SLC44A1: variants seen among roughly 807,000 people sequenced by gnomAD.
SLC44A1 encodes solute carrier family 44 member 1.
In SLC44A1, 26 loss-of-function variants were observed where a neutral mutation model predicts 79.3. The ratio of observed to expected loss-of-function variants is 0.33; its 90% CI spans 0.24 to 0.46. The LOEUF is 0.46. Ranked by LOEUF, SLC44A1 falls within the 20% of genes least tolerant of loss-of-function variation. The probability of loss-of-function intolerance (pLI) is 1.00; values close to 1 mark genes in which losing one functional copy is unlikely to be tolerated. For missense variants in SLC44A1, 688 were observed against 798.1 expected, an observed-to-expected ratio of 0.86 and a Z score of 1.66; for synonymous variants, 263 against 286.2, an observed-to-expected ratio of 0.92 and a Z score of 0.82.
chr9:105,384,023 CT>C (rs997091062), intron 14 of SLC44A1, among the ~76,000 whole-genome samples: 5 of 152,072 alleles, frequency 3.3e-5, no homozygotes, highest in African/African-American at 1.2e-4. Flanking sequence ...AGTAAAGATG[CT>C]TTCTAAATAA....
intron 3 of SLC44A1, among the ~76,000 whole-genome samples, chr9:105,329,443 C>CT (rs1477721681): frequency 6.6e-6 from 1 of 152,126 alleles, no homozygotes; most frequent in African/African-American, 2.4e-5. Flanking sequence ...TGCTTGCCAC[C>CT]TTTTGCTCCA....
At chr9:105,406,204 C>T (rs1484306978) in intron 15 of SLC44A1, among the ~76,000 whole-genome samples, 6 of 150,792 alleles carry the variant, frequency 4.0e-5, no homozygotes, top group Non-Finnish European at 7.4e-5. Context: ...AAAACAGAGA[C>T]TTCAGTGGCC....
At position 105,391,083 on chromosome 9, in the gene SLC44A1, T is replaced by G; in HGVS notation, c.*2027T>G. On this transcript the variant is annotated 3_prime_UTR_variant, in exon 16 of 16. Coordinates refer to ENST00000374720, the MANE Select transcript of SLC44A1 (RefSeq NM_080546.5). ...GAACTAAATTTAGAATTGGCAAAAG[T>G]CTAGAAGATGGGTATCAAAACAGAA... 1 of 985,776 alleles carries G rather than the reference T, an allele frequency of 1.0e-6. No individual in the cohort carries two copies. The highest frequency in any genetic ancestry group is 1.2e-6 in the Non-Finnish European group (1 of 829,910). The allele number at this position is 985,776 out of a possible 1,614,324, so 61.1% of individuals were successfully genotyped here.
chr9:105,365,712 C>T, intron 11 of SLC44A1, 73 bp downstream of exon 11: 1 of 1,349,940 alleles, frequency 7.4e-7, no homozygotes, highest in Admixed American at 2.0e-5. Context: ...AGTAAAGCAC[C>T]CAATAATGTT....
intron 5 of SLC44A1, among the ~76,000 whole-genome samples, chr9:105,350,510 C>G (rs942670033): frequency 2.0e-5 from 3 of 151,960 alleles, no homozygotes; most frequent in African/African-American, 7.3e-5. Flanking sequence ...AAGACCAGCA[C>G]CAGGCAAAAC....
chr9:105,431,507 G>A (rs1231821996), intron 15 of SLC44A1, among the ~76,000 whole-genome samples: 1 of 152,180 alleles, frequency 6.6e-6, no homozygotes, highest in Non-Finnish European at 1.5e-5. Context: ...ACAAGTGCCT[G>A]GAGTATAGCT....
At chr9:105,293,305 A>G (rs1191025597) in intron 1 of SLC44A1, among the ~76,000 whole-genome samples, 2 of 152,200 alleles carry the variant, frequency 1.3e-5, no homozygotes, top group Admixed American at 1.3e-4. Flanking sequence ...ACTTATAAGA[A>G]TTTTTTGGGA....
At chr9:105,292,757 C>T (rs1019484408) in intron 1 of SLC44A1, among the ~76,000 whole-genome samples, 4 of 152,172 alleles carry the variant, frequency 2.6e-5, no homozygotes, top group Admixed American at 6.5e-5. Flanking sequence ...CTCATGCTAT[C>T]GTAGTACTTG....
At chr9:105,284,246 T>TA (rs1830424758) in intron 1 of SLC44A1, among the ~76,000 whole-genome samples, 1 of 151,192 alleles carries the variant, frequency 6.6e-6, no homozygotes, top group African/African-American at 2.4e-5. Context: ...TTTTTTTTTT[T>TA]TAAGAGATAG....
intron 3 of SLC44A1, among the ~76,000 whole-genome samples, chr9:105,326,427 A>T (rs182065805): frequency 7.6e-4 from 116 of 152,320 alleles, no homozygotes; most frequent in African/African-American, 2.7e-3. Flanking sequence ...ATCATTTGCT[A>T]TAAGTGACTC....
At chr9:105,366,321 T>C in intron 11 of SLC44A1, 25 bp from the exon 12 acceptor site, 1 of 1,312,052 alleles carries the variant, frequency 7.6e-7, no homozygotes, top group Non-Finnish European at 1.0e-6. Context: ...GGTTTTTTTA[T>C]TATTTCCATT....
At position 105,276,915 on chromosome 9, in the gene SLC44A1, G is replaced by C. The variant is rs189696954; in HGVS notation, c.37-22305G>C. ...TGACAGGAAGATATTATGGGGTTTC[G>C]AGCAGAGGAGTAATAAGATCTGGCT... On this transcript the variant is annotated intron_variant, in intron 1 of 15. Coordinates refer to ENST00000374720, the MANE Select transcript of SLC44A1 (RefSeq NM_080546.5). 8.2e-3 allele frequency among the ~76,000 whole-genome samples: 1,254 copies of C among 152,250 alleles called. 54 individuals carry two copies. Among genetic ancestry groups the C allele is most frequent in the Admixed American group, 0.073 (1,118 of 15,286 alleles).
At chr9:105,355,660 G>T (rs540466605) in intron 5 of SLC44A1, among the ~76,000 whole-genome samples, 56 of 152,192 alleles carry the variant, frequency 3.7e-4, no homozygotes, top group African/African-American at 1.3e-3. Flanking sequence ...GCATGACTTT[G>T]TTTATATGAG....
At chr9:105,388,436 A>C (rs1366761569) in intron 15 of SLC44A1, among the ~76,000 whole-genome samples, 2 of 152,198 alleles carry the variant, frequency 1.3e-5, no homozygotes, top group Non-Finnish European at 2.9e-5. Context: ...TTAGCTCTAG[A>C]AACATTGCTG....
At chr9:105,334,423 C>G (rs1019686669) in intron 3 of SLC44A1, among the ~76,000 whole-genome samples, 1 of 151,152 alleles carries the variant, frequency 6.6e-6, no homozygotes, top group Non-Finnish European at 1.5e-5. Context: ...TTGACTTTAC[C>G]TTTTCTGCTT....
intron 2 of SLC44A1, among the ~76,000 whole-genome samples, chr9:105,301,249 A>T (rs969207105): frequency 1.3e-5 from 2 of 152,208 alleles, no homozygotes; most frequent in Admixed American, 6.5e-5. Flanking sequence ...CATTAATGTT[A>T]ATAGGCTGAT....
At chr9:105,278,105 A>G (rs555076012) in intron 1 of SLC44A1, among the ~76,000 whole-genome samples, 42 of 151,872 alleles carry the variant, frequency 2.8e-4, no homozygotes, top group Non-Finnish European at 4.7e-4. Flanking sequence ...TCTGTCACCC[A>G]GACTGGAGTG....
intron 15 of SLC44A1, among the ~76,000 whole-genome samples, chr9:105,417,309 C>T (rs1469506804): frequency 1.3e-5 from 2 of 152,216 alleles, no homozygotes; most frequent in African/African-American, 4.8e-5. Context: ...TGTTGCCTTT[C>T]ACAACAGGGT....
downstream of SLC44A1, among the ~76,000 whole-genome samples, chr9:105,401,095 C>T (rs1224461463): frequency 1.3e-5 from 2 of 152,176 alleles, no homozygotes; most frequent in Non-Finnish European, 2.9e-5. Flanking sequence ...CCAGTACATT[C>T]TACAGAAGCT....
Sources: allele counts gnomAD v4.1 joint callset (sites outside exome capture counted in the v4.1 genomes callset), GRCh38; gene constraint gnomAD v4.1.1; transcripts MANE v1.5; gene names NCBI Gene and HGNC (gene_info 2026-07-23, HGNC 2026-07-21).